BTBD16: variants seen among roughly 807,000 people sequenced by gnomAD.
BTBD16 encodes BTB/POZ domain-containing protein 16.
Under a neutral mutation model 67.4 loss-of-function variants are expected in BTBD16, and 66 were observed. The ratio of observed to expected loss-of-function variants is 0.98; its 90% CI spans 0.80 to 1.20. The LOEUF is 1.20. Among genes scored for constraint, BTBD16 ranks in the 50% most tolerant of loss-of-function variants. The probability of loss-of-function intolerance (pLI) is 0.00; values close to 1 mark genes in which losing one functional copy is unlikely to be tolerated. For missense variants in BTBD16, 634 were observed against 616.0 expected (o/e 1.03, Z -0.31); for synonymous variants, 242 against 236.4 (o/e 1.02, Z -0.22).
intron 2 of BTBD16, among the ~76,000 whole-genome samples, chr10:122,276,464 C>T (rs2096340784): frequency 6.6e-6 from 1 of 152,184 alleles, no homozygotes; most frequent in Non-Finnish European, 1.5e-5. Context: ...ACTCAAAGGA[C>T]AGTACTTAAA....
At chr10:122,286,491 C>T in intron 5 of BTBD16, among the ~76,000 whole-genome samples, 1 of 152,108 alleles carries the variant, frequency 6.6e-6, no homozygotes, top group East Asian at 1.9e-4. Context: ...AGAACAAGGC[C>T]TGGCACACAG....
Position 122,299,034 on chromosome 10 carries a change from G to A in BTBD16, c.691G>A (p.Glu231Lys), listed in dbSNP as rs76567565. ...YKEEQLTTGC[E>K]KWLEMNLVPL... ...GGAAGAGCAGCTCACCACCGGCTGCGAGAAGTGGCTGGAAATGAACTTGGT... is the reference window on the plus strand; with the variant it reads ...GGAAGAGCAGCTCACCACCGGCTGCAAGAAGTGGCTGGAAATGAACTTGGT... The change falls in exon 9 of 16, where the codon GAG becomes AAG. Residue 231 changes from glutamate (E) to lysine (K), a missense_variant. Physicochemically the swap from Glu to Lys is moderately conservative, Grantham distance 56 (BLOSUM62 1). Transcript: ENST00000260723. The A allele has an allele frequency of 9.2e-4, 1,484 of 1,614,014 alleles. 6 individuals are homozygous for A. The African/African-American group carries it at 0.012, about 14-fold the overall frequency.
chr10:122,315,402 C>G (rs2096422219), intron 10 of BTBD16, among the ~76,000 whole-genome samples: 2 of 152,172 alleles, frequency 1.3e-5, no homozygotes, highest in South Asian at 4.1e-4. Flanking sequence ...TCACTGAATT[C>G]TATTTGCTGA....
At chr10:122,335,120 G>C (rs2096461537) in intron 14 of BTBD16, 141 bp downstream of exon 14, 2 of 524,046 alleles carry the variant, frequency 3.8e-6, no homozygotes, top group Admixed American at 4.0e-5. Context: ...CCACGCTCAT[G>C]TATGTGATGT....
At chr10:122,284,654 A>C (rs1172730839) in intron 4 of BTBD16, among the ~76,000 whole-genome samples, 1 of 145,960 alleles carries the variant, frequency 6.9e-6, no homozygotes, top group Non-Finnish European at 1.5e-5. Context: ...CCTCATGAGG[A>C]GGCAGCTTCT....
intron 13 of BTBD16, 121 bp downstream of exon 13, chr10:122,332,634 G>T (rs112216749): frequency 1.8e-6 from 2 of 1,119,308 alleles, no homozygotes; most frequent in Non-Finnish European, 1.3e-6. Context: ...GTCCAGAAGA[G>T]AGAACCACAG....
intron 10 of BTBD16, among the ~76,000 whole-genome samples, chr10:122,307,840 C>T (rs993253066): frequency 2.0e-5 from 3 of 152,176 alleles, no homozygotes; most frequent in East Asian, 1.9e-4. Context: ...CACGTCTTCA[C>T]GTAGTGACCT....
intron 7 of BTBD16, among the ~76,000 whole-genome samples, chr10:122,296,791 A>C (rs1414447395): frequency 1.3e-5 from 2 of 152,174 alleles, no homozygotes; most frequent in African/African-American, 2.4e-5. Context: ...TTCCAAGAGG[A>C]GGTGATGCTG....
At position 122,299,013 on chromosome 10, in the gene BTBD16, G is replaced by C; in HGVS notation, c.670G>C (p.Glu224Gln). The C allele has an allele frequency of 1.2e-6, 2 of 1,613,928 alleles. No individual in the cohort carries two copies. Among genetic ancestry groups the C allele is most frequent in the Non-Finnish European group, 1.7e-6 (2 of 1,180,002 alleles). Residue 224 changes from glutamate (E) to glutamine (Q), a missense_variant, in exon 9 of 16, where the codon GAG (glutamate) becomes CAG (glutamine). Glu to Gln is a conservative substitution (Grantham distance 29). Transcript: ENST00000260723. ...CTTTTTTTTGTCTTAGTACAAGGAA[G>C]AGCAGCTCACCACCGGCTGCGAGAA... Reference protein sequence around the residue: ...FYEAGCKYKEEQLTTGCEKWL... With the variant: ...FYEAGCKYKEQQLTTGCEKWL...
chr10:122,293,490 C>A (rs2096377711), intron 7 of BTBD16, among the ~76,000 whole-genome samples: 1 of 152,170 alleles, frequency 6.6e-6, no homozygotes, highest in African/African-American at 2.4e-5. Context: ...CTTGAAGAAG[C>A]ACTCCAGTGT....
chr10:122,322,614 G>A (rs1372774885), intron 10 of BTBD16, among the ~76,000 whole-genome samples: 2 of 152,202 alleles, frequency 1.3e-5, no homozygotes, highest in African/African-American at 4.8e-5. Context: ...GTGAGAAGCA[G>A]CCCATTGCAG....
At chr10:122,293,560 A>G (rs60842067) in intron 7 of BTBD16, among the ~76,000 whole-genome samples, 5,211 of 152,276 alleles carry the variant, frequency 0.034, 299 homozygotes, top group African/African-American at 0.12. Context: ...GAATAGTTGC[A>G]GGCAGAGCCA....
chr10:122,296,853 G>C (rs999646686), intron 7 of BTBD16, among the ~76,000 whole-genome samples: 1 of 152,258 alleles, frequency 6.6e-6, no homozygotes, highest in Admixed American at 6.5e-5. Context: ...AGAGGGGACA[G>C]TGTGGAGCAG....
chr10:122,324,445 G>A (rs1334604133), intron 10 of BTBD16, among the ~76,000 whole-genome samples: 1 of 152,364 alleles, frequency 6.6e-6, no homozygotes, highest in East Asian at 1.9e-4. Context: ...GAGGCCATGT[G>A]CCTCTTGTGA....
intron 10 of BTBD16, among the ~76,000 whole-genome samples, chr10:122,325,922 C>T (rs892275297): frequency 6.6e-6 from 1 of 151,950 alleles, no homozygotes; most frequent in Non-Finnish European, 1.5e-5. Flanking sequence ...GTGATTCACC[C>T]ACCTCGGCCT....
At chr10:122,304,615 C>T (rs1033696021) in intron 9 of BTBD16, among the ~76,000 whole-genome samples, 3 of 140,610 alleles carry the variant, frequency 2.1e-5, no homozygotes, top group African/African-American at 8.0e-5. Flanking sequence ...AGTGCAGTGG[C>T]GTGATCTCTG....
chr10:122,287,104 G>A (rs1160993583), intron 5 of BTBD16, among the ~76,000 whole-genome samples: 2 of 152,216 alleles, frequency 1.3e-5, no homozygotes, highest in African/African-American at 4.8e-5. Context: ...ACTGCCTGCG[G>A]GAATCTGACT....
chr10:122,303,956 C>T (rs780190960), intron 9 of BTBD16, among the ~76,000 whole-genome samples: 35 of 152,136 alleles, frequency 2.3e-4, no homozygotes, highest in Non-Finnish European at 1.3e-4. Context: ...ATAATAGAAC[C>T]AGGATTCTGA....
At position 122,329,521 on chromosome 10, in the gene BTBD16, G is replaced by A. The variant is rs2421013; in HGVS notation, c.953G>A (p.Arg318Gln). ...TGCTTTCTGGACCGGGACATAGGACGGAGCTTGAGGCCGCTCTTCCTCTGC... is the reference window on the plus strand; with the variant it reads ...TGCTTTCTGGACCGGGACATAGGACAGAGCTTGAGGCCGCTCTTCCTCTGC... ...NCCFLDRDIG[R>Q]SLRPLFLCLR... Residue 318 changes from arginine to glutamine, a missense_variant, in exon 11 of 16, where the codon CGG becomes CAG. Transcript: ENST00000260723. The A allele has an allele frequency of 0.53, 855,247 of 1,613,140 alleles. 231,016 individuals are homozygous for A. The highest frequency in any genetic ancestry group is 0.88 in the East Asian group (39,631 of 44,852).
Sources: gnomAD v4.1 joint callset for allele counts (sites outside exome capture counted in the v4.1 genomes callset) on GRCh38, gnomAD v4.1.1 for gene constraint, MANE v1.5 for transcripts, NCBI Gene and HGNC (gene_info 2026-07-23, HGNC 2026-07-21) for gene names.